ZDHHC11B: variants seen among roughly 807,000 people sequenced by gnomAD.
ZDHHC11B encodes the protein zDHHC palmitoyltransferase 11B (putative).
Under a neutral mutation model 42.3 loss-of-function variants are expected in ZDHHC11B, and 17 were observed. The observed-to-expected ratio is 0.40, with a 90% confidence interval of 0.27 to 0.60. The LOEUF is 0.60. Ranked by LOEUF, ZDHHC11B falls within the 20% of genes least tolerant of loss-of-function variation. ZDHHC11B has a pLI of 0.41. For missense variants in ZDHHC11B, 262 were observed against 463.2 expected (o/e 0.57, Z 3.99); for synonymous variants, 123 against 193.5 (o/e 0.64, Z 3.02).
intron 1 of ZDHHC11B, among the ~76,000 whole-genome samples, 54 bp downstream of exon 1, chr5:784,614 C>A (rs1399966219): frequency 6.6e-6 from 1 of 151,838 alleles, no homozygotes. Context: ...CCAGTCTCCG[C>A]CCCCGGGTGC....
chr5:779,309 G>C (rs1736792737), intron 1 of ZDHHC11B, among the ~76,000 whole-genome samples: 1 of 149,584 alleles, frequency 6.7e-6, no homozygotes, highest in African/African-American at 2.5e-5. Flanking sequence ...CGTCCCTGTT[G>C]TGTTAACCCC....
chr5:756,182 C>T (rs1733799948), intron 4 of ZDHHC11B, 38 bp from the exon 5 acceptor site: 6 of 1,391,122 alleles, frequency 4.3e-6, no homozygotes, highest in Admixed American at 2.2e-5. Flanking sequence ...AGGGCCTGGT[C>T]AGCCTGGCAT....
At chr5:761,815 G>A (rs1446414715) in intron 4 of ZDHHC11B, among the ~76,000 whole-genome samples, 2 of 34,830 alleles carry the variant, frequency 5.7e-5, no homozygotes, top group Non-Finnish European at 9.5e-5. Flanking sequence ...CAGACAGGGG[G>A]ACACAAAGTC....
At chr5:772,089 G>A (rs1157812269) in intron 1 of ZDHHC11B, among the ~76,000 whole-genome samples, 2 of 151,850 alleles carry the variant, frequency 1.3e-5, no homozygotes, top group Non-Finnish European at 2.9e-5. Context: ...AAACAAATAA[G>A]CAATGACACA....
At chr5:765,976 C>CAGAAACA (rs2150217306) in intron 4 of ZDHHC11B, among the ~76,000 whole-genome samples, 1 of 152,014 alleles carries the variant, frequency 6.6e-6, no homozygotes, top group Non-Finnish European at 1.5e-5. Flanking sequence ...AAATATGGTT[C>CAGAAACA]CAGTGCCCCA....
rs1269389291 is a variant in ZDHHC11B, at chr5:733,830, G to C, written c.945C>G (p.Ala315=). 3.7e-6 allele frequency: 6 copies of C among 1,607,448 alleles called. No homozygotes were observed. The highest frequency in any genetic ancestry group is 5.1e-6 in the Non-Finnish European group (6 of 1,178,616). ...ATTTGTAAATCAGCAGGGAGCTCTT[G>C]GCCTTGACTCTGGTGGGACAGGAAG... ...ALGSSAQGVK[A]KSSLLIYKCP... is the part of the protein sequence containing the mutation. The change falls in exon 11 of 14, where the codon GCC becomes GCG. Residue 315 remains alanine (A), a synonymous_variant. Coordinates refer to ENST00000508859, the MANE Select transcript of ZDHHC11B (RefSeq NM_001351303.2).
chr5:774,632 TGGGGTCTGTCACTAGGGCTA>T (rs1337168494), intron 1 of ZDHHC11B, among the ~76,000 whole-genome samples: 8 of 150,032 alleles, frequency 5.3e-5, no homozygotes, highest in African/African-American at 2.0e-4. Context: ...TACTAGGACC[TGGGGTCTGTCACTAGGGCTA>T]GGGGTCTGCC....
chr5:767,278 G>C, intron 3 of ZDHHC11B, 114 bp downstream of exon 3: 4 of 1,245,300 alleles, frequency 3.2e-6, no homozygotes, highest in Non-Finnish European at 4.5e-6. Context: ...CTGCCATCTG[G>C]ACGGCTGCGG....
chr5:766,143 A>G (rs1168834726), intron 4 of ZDHHC11B, among the ~76,000 whole-genome samples: 1 of 151,836 alleles, frequency 6.6e-6, no homozygotes, highest in Non-Finnish European at 1.5e-5. Context: ...ACCCTGGGAG[A>G]TGCGAGCAGA....
intron 4 of ZDHHC11B, among the ~76,000 whole-genome samples, chr5:765,182 T>G (rs7445458): frequency 0.063 from 8,750 of 138,482 alleles, 27 homozygotes; most frequent in Middle Eastern, 0.13. Flanking sequence ...ATCTAGCTAA[T>G]CTGGTGGGGA....
chr5:717,538 G>C (rs1173941441), intron 12 of ZDHHC11B, among the ~76,000 whole-genome samples: 2 of 151,750 alleles, frequency 1.3e-5, no homozygotes, highest in African/African-American at 4.9e-5. Flanking sequence ...AAAGTCACTA[G>C]GGACTTCTAA....
chr5:720,271 C>T (rs529725868), intron 12 of ZDHHC11B, among the ~76,000 whole-genome samples: 1 of 151,740 alleles, frequency 6.6e-6, no homozygotes, highest in African/African-American at 2.4e-5. Context: ...TGAAGGCAGG[C>T]AGAGAGAAGT....
At position 716,868 on chromosome 5, in the gene ZDHHC11B, G is replaced by A. The variant is rs756102747; in HGVS notation, c.1059-3C>T. 1 of 1,612,860 alleles carries A rather than the reference G, an allele frequency of 6.2e-7. No homozygotes were observed. The highest frequency in any genetic ancestry group is 1.3e-5 in the African/African-American group (1 of 74,612). On this transcript the variant is annotated splice_region_variant and splice_polypyrimidine_tract_variant and intron_variant, in intron 12 of 13. Coordinates refer to ENST00000508859, the MANE Select transcript of ZDHHC11B (RefSeq NM_001351303.2). Reference sequence around the variant, plus strand: ...GCTCTGTTGTTTCTTGTTGCAGCCTGTTTGCAATATTCAGAAAGAGAGACA... The same window carrying A: ...GCTCTGTTGTTTCTTGTTGCAGCCTATTTGCAATATTCAGAAAGAGAGACA...
At chr5:777,570 A>C (rs112927770) in intron 1 of ZDHHC11B, among the ~76,000 whole-genome samples, 3 of 151,914 alleles carry the variant, frequency 2.0e-5, no homozygotes, top group Admixed American at 1.3e-4. Flanking sequence ...CGTTCCGGCT[A>C]CCCGCTTTTA....
chr5:714,755 G>C (rs537183078), intron 13 of ZDHHC11B, among the ~76,000 whole-genome samples: 1 of 137,100 alleles, frequency 7.3e-6, no homozygotes, highest in South Asian at 2.4e-4. Flanking sequence ...CTGTGGTTTG[G>C]ACATCTGACC....
rs1237132559 is a variant in ZDHHC11B at position 767,468 on chromosome 5, C to A, written c.-77G>T. On this transcript the variant is annotated 5_prime_UTR_variant, in exon 3 of 14. Coordinates refer to ENST00000508859, the MANE Select transcript of ZDHHC11B (RefSeq NM_001351303.2). The stretch of plus-strand genomic sequence containing the variant: ...TCCAACTCGTCCGACTTCAAGTCGC[C>A]AAATGCTGAATTATTCTGCATCGAA... 4 of 1,559,814 alleles carry A rather than the reference C, an allele frequency of 2.6e-6. No homozygotes were observed. In the Admixed American group the frequency reaches 6.8e-5, roughly 26 times the overall value.
chr5:730,653 T>TGGGCTGAA (rs1742953005), intron 11 of ZDHHC11B, among the ~76,000 whole-genome samples, 185 bp from the exon 12 acceptor site: 2 of 151,746 alleles, frequency 1.3e-5, no homozygotes, highest in South Asian at 4.2e-4. Context: ...CCTTGTATTA[T>TGGGCTGAA]GGGCTGAACT....
chr5:775,151 C>T (rs1736368693), intron 1 of ZDHHC11B, among the ~76,000 whole-genome samples: 1 of 151,974 alleles, frequency 6.6e-6, no homozygotes, highest in South Asian at 2.1e-4. Flanking sequence ...AACCTCTGTC[C>T]TGGTCACAAG....
At chr5:748,641 C>T in intron 7 of ZDHHC11B, 82 bp from the exon 8 acceptor site, 1 of 1,268,400 alleles carries the variant, frequency 7.9e-7, no homozygotes. Context: ...CCAGAGCTTG[C>T]TGGGGATGGG....
Sources: allele counts gnomAD v4.1 joint callset (sites outside exome capture counted in the v4.1 genomes callset), GRCh38; gene constraint gnomAD v4.1.1; transcripts MANE v1.5; gene names NCBI Gene and HGNC (gene_info 2026-07-23, HGNC 2026-07-21).